Variants in RNF220 observed in about 807,000 individuals in gnomAD.
RNF220 encodes E3 ubiquitin-protein ligase RNF220.
RNF220 carries 7 observed loss-of-function variants against 67.1 expected under a neutral mutation model. The observed-to-expected ratio is 0.10, with a 90% confidence interval of 0.06 to 0.20. RNF220 has a LOEUF of 0.20. RNF220 is among the 10% of genes least tolerant of loss of function. The pLI is 1.00. For synonymous variants in RNF220, 270 were observed against 283.2 expected, an observed-to-expected ratio of 0.95 and a Z score of 0.47; for missense variants, 565 against 740.3, an observed-to-expected ratio of 0.76 and a Z score of 2.75.
intron 2 of RNF220, among the ~76,000 whole-genome samples, chr1:44,418,162 C>T (rs1648787857): frequency 6.6e-6 from 1 of 152,102 alleles, no homozygotes; most frequent in Non-Finnish European, 1.5e-5. Flanking sequence ...CATGGGAGCG[C>T]GCGGGAGGCG....
chr1:44,522,192 A>T (rs1006616773), intron 2 of RNF220, among the ~76,000 whole-genome samples: 1 of 152,210 alleles, frequency 6.6e-6, no homozygotes, highest in Admixed American at 6.5e-5. Context: ...AAGCTCCATC[A>T]CATGATGGAA....
chr1:44,619,943 G>T (rs796144042), intron 3 of RNF220, among the ~76,000 whole-genome samples: 7 of 152,328 alleles, frequency 4.6e-5, no homozygotes, highest in African/African-American at 1.7e-4. Context: ...ACAGTGAAGA[G>T]TGTTGCTAGG....
intron 2 of RNF220, among the ~76,000 whole-genome samples, chr1:44,547,030 T>C (rs577801510): frequency 1.8e-4 from 27 of 152,340 alleles, no homozygotes; most frequent in African/African-American, 6.0e-4. Flanking sequence ...AAGGTGTTCA[T>C]GTTGTCACAC....
chr1:44,533,992 T>A (rs952582213), intron 2 of RNF220, among the ~76,000 whole-genome samples: 3 of 152,216 alleles, frequency 2.0e-5, no homozygotes, highest in Non-Finnish European at 4.4e-5. Flanking sequence ...ATTATTTTTA[T>A]TGAGACAGAC....
rs1302366218 is a variant in RNF220 at position 44,645,652 on chromosome 1, C to T, written c.1445+164C>T. 6.6e-6 allele frequency among the ~76,000 whole-genome samples: 1 copy of T among 152,180 alleles called. No homozygotes were observed. The highest frequency in any genetic ancestry group is 1.5e-5 in the Non-Finnish European group (1 of 68,036). ...GCAGTGGAGCCCAGCTGGTGCTAAG[C>T]GTGACTCTGTGAATTGATCACTGGG... On this transcript the variant is annotated intron_variant, in intron 12 of 14. Transcript: ENST00000361799. The surrounding 1 kb of genome is among the most constrained non-coding windows in gnomAD (Gnocchi z 5.0).
intron 2 of RNF220, among the ~76,000 whole-genome samples, chr1:44,479,338 G>A (rs1392530824): frequency 1.3e-5 from 2 of 151,892 alleles, no homozygotes; most frequent in African/African-American, 2.4e-5. Context: ...GGATGGTCTC[G>A]ATCTCCTGAC....
At chr1:44,515,412 A>G (rs777143271) in intron 2 of RNF220, among the ~76,000 whole-genome samples, 5 of 152,202 alleles carry the variant, frequency 3.3e-5, no homozygotes, top group Admixed American at 1.3e-4. Flanking sequence ...GTAATAGCAG[A>G]TAAAGTTGTA....
At chr1:44,531,640 T>A (rs1660840847) in intron 2 of RNF220, among the ~76,000 whole-genome samples, 1 of 152,206 alleles carries the variant, frequency 6.6e-6, no homozygotes, top group Non-Finnish European at 1.5e-5. Flanking sequence ...GACTTTTCCC[T>A]TCCCCTGTGA....
chr1:44,521,596 T>G (rs1247716026), intron 2 of RNF220, among the ~76,000 whole-genome samples: 1 of 152,008 alleles, frequency 6.6e-6, no homozygotes, highest in African/African-American at 2.4e-5. Context: ...AGGGGTGAGA[T>G]AGCGTTTTCA....
intron 3 of RNF220, among the ~76,000 whole-genome samples, chr1:44,619,170 G>A (rs1643688404): frequency 6.6e-6 from 1 of 152,186 alleles, no homozygotes; most frequent in African/African-American, 2.4e-5. Flanking sequence ...AGTAGCCTTG[G>A]GCATGGAGAG....
intron 8 of RNF220, among the ~76,000 whole-genome samples, chr1:44,640,033 A>G (rs1557471384): frequency 6.6e-6 from 1 of 152,140 alleles, no homozygotes; most frequent in Non-Finnish European, 1.5e-5. Context: ...CAGGTGATCC[A>G]CCCACCTCGG....
chr1:44,524,386 G>T (rs189949549), intron 2 of RNF220, among the ~76,000 whole-genome samples: 4 of 152,116 alleles, frequency 2.6e-5, no homozygotes, highest in Admixed American at 2.6e-4. Context: ...CAGGCTGTTG[G>T]GGGCAGAGAG....
chr1:44,485,815 T>C (rs1365520337), intron 2 of RNF220, among the ~76,000 whole-genome samples: 1 of 152,216 alleles, frequency 6.6e-6, no homozygotes, highest in African/African-American at 2.4e-5. Flanking sequence ...AGTTAGCATA[T>C]GCAGGCAGAG....
intron 2 of RNF220, among the ~76,000 whole-genome samples, chr1:44,435,556 G>A (rs1463484297): frequency 6.6e-6 from 1 of 152,130 alleles, no homozygotes; most frequent in African/African-American, 2.4e-5. Flanking sequence ...AGGAACACTT[G>A]GGACCTTTTC....
intron 1 of RNF220, among the ~76,000 whole-genome samples, chr1:44,406,992 C>G (rs142453242): frequency 1.3e-5 from 2 of 152,190 alleles, no homozygotes; most frequent in Non-Finnish European, 2.9e-5. Context: ...TCTCGCTTCC[C>G]GTTAAGCACA....
chr1:44,482,596 A>G (rs78232089), intron 2 of RNF220, among the ~76,000 whole-genome samples: 1,978 of 152,128 alleles, frequency 0.013, 36 homozygotes, highest in African/African-American at 0.045. Flanking sequence ...CTTCACATTT[A>G]TCCTTGGCAT....
rs1402109166 is a variant in RNF220, at chr1:44,621,651, G to A, written c.759-1091G>A. Among the ~76,000 whole-genome samples, 5 of 152,090 alleles carry A rather than the reference G, an allele frequency of 3.3e-5. No individual in the cohort carries two copies. Among genetic ancestry groups the A allele is most frequent in the Admixed American group, 6.6e-5 (1 of 15,252 alleles). On this transcript the variant is annotated intron_variant, in intron 3 of 14. Coordinates refer to ENST00000361799, the MANE Select transcript of RNF220 (RefSeq NM_018150.4). The surrounding 1 kb of genome is among the most constrained non-coding windows in gnomAD (Gnocchi z 4.8). ...GTGCTTTTGCTGGCTTGTCCGGTAC[G>A]TTTGTGTCTGGCCCTGTGGGTGTCT...
intron 2 of RNF220, among the ~76,000 whole-genome samples, chr1:44,604,347 C>A (rs897694587): frequency 6.6e-6 from 1 of 152,216 alleles, no homozygotes; most frequent in African/African-American, 2.4e-5. Flanking sequence ...GCCTGCCCCA[C>A]CCTCCACTGG....
At chr1:44,469,352 C>T (rs1654584008) in intron 2 of RNF220, among the ~76,000 whole-genome samples, 1 of 151,968 alleles carries the variant, frequency 6.6e-6, no homozygotes, top group South Asian at 2.1e-4. Flanking sequence ...TTTATGGTAC[C>T]CAGTGGAGGT....
Sources: gnomAD v4.1 joint callset for allele counts (sites outside exome capture counted in the v4.1 genomes callset) on GRCh38, gnomAD v4.1.1 for gene constraint, Gnocchi (gnomAD v3.1) non-coding constraint, MANE v1.5 for transcripts, NCBI Gene and HGNC (gene_info 2026-07-23, HGNC 2026-07-21) for gene names.